The following SMC3 variants were observed in gnomAD, a reference collection of about 807,000 sequenced individuals.
The protein encoded by SMC3 is structural maintenance of chromosomes protein 3.
Under a neutral mutation model 171.8 loss-of-function variants are expected in SMC3, and 20 were observed. The observed-to-expected ratio is 0.12, with a 90% CI of 0.08 to 0.17. SMC3 has a LOEUF of 0.17. Among genes scored for constraint, SMC3 ranks in the 10% least tolerant of loss-of-function variants. The pLI is 1.00. For missense variants in SMC3, 543 were observed against 1,420.4 expected, an observed-to-expected ratio of 0.38 and a Z score of 9.93; for synonymous variants, 464 against 451.1, an observed-to-expected ratio of 1.03 and a Z score of -0.36.
rs1860862106 is a variant in SMC3, at chr10:110,570,984, T to C, written c.91+1971T>C. Among the ~76,000 whole-genome samples, 3 of 152,224 alleles carry C rather than the reference T, an allele frequency of 2.0e-5. No individual in the cohort carries two copies. The South Asian group carries it at 6.2e-4, about 32-fold the overall frequency. On this transcript the variant is annotated intron_variant, in intron 2 of 28. Coordinates refer to ENST00000361804, the MANE Select transcript of SMC3 (RefSeq NM_005445.4). Reference sequence around the variant, plus strand: ...TTTGATTGATGAATGATGTTGACTATTAAAAAATATCTCTTGTACTGATGT... The same window carrying C: ...TTTGATTGATGAATGATGTTGACTACTAAAAAATATCTCTTGTACTGATGT...
At chr10:110,583,789 C>T (rs757887817) in intron 11 of SMC3, 52 bp from the exon 12 acceptor site, 11 of 1,592,924 alleles carry the variant, frequency 6.9e-6, no homozygotes, top group Non-Finnish European at 9.4e-6. Context: ...TTATGCTAGA[C>T]CTAAATTATG....
Position 110,567,738 on chromosome 10 carries a change from G to C in SMC3, c.-79G>C, listed in dbSNP as rs534740585. On this transcript the variant is annotated 5_prime_UTR_variant, in exon 1 of 29. Coordinates refer to ENST00000361804, the MANE Select transcript of SMC3 (RefSeq NM_005445.4). ...AGCGGCGCTTTGGGGGAGGGGTCGC[G>C]TAGGCGCCTCACCTGACCCTGCGGC... The C allele has an allele frequency of 1.3e-6, 2 of 1,563,634 alleles. No homozygotes were observed. The highest frequency in any genetic ancestry group is 1.4e-5 in the African/African-American group (1 of 73,900).
At chr10:110,582,157 A>G in intron 9 of SMC3, 59 bp downstream of exon 9, 1 of 1,394,452 alleles carries the variant, frequency 7.2e-7, no homozygotes, top group Admixed American at 1.7e-5. Flanking sequence ...TGAATTTGTT[A>G]AACTCAGGCC....
intron 13 of SMC3, among the ~76,000 whole-genome samples, chr10:110,587,261 A>G (rs190284641): frequency 6.3e-4 from 96 of 152,366 alleles, no homozygotes; most frequent in African/African-American, 2.2e-3. Context: ...TCTACAAAAC[A>G]TTATATTTTG....
intron 7 of SMC3, among the ~76,000 whole-genome samples, chr10:110,579,837 G>A (rs111742434): frequency 5.3e-5 from 8 of 152,112 alleles, no homozygotes; most frequent in Admixed American, 4.6e-4. Flanking sequence ...ACCTATTTTC[G>A]TAGAGATAAT....
At position 110,603,136 on chromosome 10, in the gene SMC3, C is replaced by T. The variant is rs1349891048; in HGVS notation, c.3476-48C>T. 3 of 1,547,056 alleles carry T rather than the reference C, an allele frequency of 1.9e-6. No homozygotes were observed. The South Asian group carries it at 3.4e-5, about 17-fold the overall frequency. ...TAAAGATAGTTGCTTTTTAAATTTT[C>T]AGATCTGCTGAAAAGAAATTTGTTA... is the stretch of plus-strand genomic sequence containing the variant. On this transcript the variant is annotated intron_variant, in intron 27 of 28. Transcript: ENST00000361804.
chr10:110,593,105 C>T lies in SMC3; in HGVS notation c.1845C>T (p.Tyr615=). 1 of 1,613,976 alleles carries T rather than the reference C, an allele frequency of 6.2e-7. No individual in the cohort carries two copies. The highest frequency in any genetic ancestry group is 8.5e-7 in the Non-Finnish European group (1 of 1,179,862). ...TTCCTATGATCAGCAAACTGAGGTA[C>T]AATCCCAGATTTGACAAAGCTTTCA... is the stretch of plus-strand genomic sequence containing the variant. ...DAIPMISKLR[Y]NPRFDKAFKH... The change falls in exon 18 of 29, where the codon TAC becomes TAT. Residue 615 remains tyrosine (Y), a synonymous_variant. Coordinates refer to ENST00000361804, the MANE Select transcript of SMC3 (RefSeq NM_005445.4).
At chr10:110,575,006 G>T (rs983699949) in intron 3 of SMC3, among the ~76,000 whole-genome samples, 1 of 152,146 alleles carries the variant, frequency 6.6e-6, no homozygotes, top group African/African-American at 2.4e-5. Context: ...AGCAAATACA[G>T]TGTTAACCTA....
chr10:110,582,451 A>C, intron 9 of SMC3, 111 bp from the exon 10 acceptor site: 1 of 786,480 alleles, frequency 1.3e-6, no homozygotes. Flanking sequence ...TTTGTAGAAA[A>C]TTTGAGCAGT....
chr10:110,600,613 A>G, intron 22 of SMC3, 67 bp downstream of exon 22: 3 of 822,946 alleles, frequency 3.6e-6, no homozygotes, highest in Non-Finnish European at 4.3e-6. Context: ...GCAAGTGGTT[A>G]TATCAGAGGC....
At position 110,575,410 on chromosome 10, in the gene SMC3, G is replaced by A. The variant is rs765985488; in HGVS notation, c.198+7G>A. The stretch of plus-strand genomic sequence containing the variant: ...GCGGTTGGCTTTATTGCATGTGAGT[G>A]AGACTGCTTTAAGACATTATTGATA... On this transcript the variant is annotated splice_region_variant and intron_variant, in intron 4 of 28. Coordinates refer to ENST00000361804, the MANE Select transcript of SMC3 (RefSeq NM_005445.4). 24 of 1,600,458 alleles carry A rather than the reference G, an allele frequency of 1.5e-5. No individual in the cohort carries two copies. In the East Asian group the frequency reaches 5.1e-4, roughly 34 times the overall value.
At chr10:110,583,179 A>G (rs1861058217) in intron 10 of SMC3, among the ~76,000 whole-genome samples, 2 of 152,142 alleles carry the variant, frequency 1.3e-5, no homozygotes, top group Admixed American at 1.3e-4. Flanking sequence ...GGCATGAGCA[A>G]CCATGTCCAG....
chr10:110,573,218 CA>C (rs1162629921), intron 2 of SMC3, among the ~76,000 whole-genome samples: 2 of 152,080 alleles, frequency 1.3e-5, no homozygotes, highest in East Asian at 3.9e-4. Context: ...TTTTGTTAGT[CA>C]AAAAGTACCT....
chr10:110,582,183 A>C (rs1182745681), intron 9 of SMC3, 85 bp downstream of exon 9: 1 of 1,189,684 alleles, frequency 8.4e-7, no homozygotes, highest in Non-Finnish European at 1.2e-6. Context: ...TACACTTTTC[A>C]GTGATTTTAA....
intron 2 of SMC3, among the ~76,000 whole-genome samples, chr10:110,569,292 T>C (rs1268587541): frequency 6.6e-6 from 1 of 152,240 alleles, no homozygotes; most frequent in African/African-American, 2.4e-5. Context: ...TCTTCTGTTC[T>C]TGTTATATAT....
intron 3 of SMC3, among the ~76,000 whole-genome samples, chr10:110,574,660 C>T (rs1353911253): frequency 1.3e-5 from 2 of 152,006 alleles, no homozygotes; most frequent in African/African-American, 4.8e-5. Context: ...TGCTTATGCA[C>T]GTACTTGCTG....
intron 13 of SMC3, 118 bp downstream of exon 13, chr10:110,584,514 CAG>C (rs1336353759): frequency 2.8e-6 from 2 of 704,084 alleles, no homozygotes; most frequent in East Asian, 2.7e-5. Flanking sequence ...AAATATATGA[CAG>C]ATACTTATTT....
chr10:110,583,713 TAC>T, intron 11 of SMC3, 126 bp from the exon 12 acceptor site: 1 of 1,230,722 alleles, frequency 8.1e-7, no homozygotes, highest in South Asian at 1.3e-5. Flanking sequence ...CTTTGTTTCT[TAC>T]ATTAAAAAAG....
intron 3 of SMC3, 26 bp downstream of exon 3, chr10:110,573,771 A>G (rs947384680): frequency 7.0e-7 from 1 of 1,431,532 alleles, no homozygotes; most frequent in Non-Finnish European, 9.9e-7. Context: ...TGAATTGTAA[A>G]TATATTAAGA....
Sources: gnomAD v4.1 joint callset for allele counts (sites outside exome capture counted in the v4.1 genomes callset) on GRCh38, gnomAD v4.1.1 for gene constraint, MANE v1.5 for transcripts, NCBI Gene and HGNC (gene_info 2026-07-23, HGNC 2026-07-21) for gene names.